MTHFD2L: variants seen among roughly 807,000 people sequenced by gnomAD.
MTHFD2L encodes the protein methylenetetrahydrofolate dehydrogenase (NADP+ dependent) 2 like.
In MTHFD2L, 29 loss-of-function variants were observed where a neutral mutation model predicts 34.9. The observed-to-expected ratio is 0.83, with a 90% CI of 0.62 to 1.13. MTHFD2L has a LOEUF of 1.13. Ranked by LOEUF, MTHFD2L falls within the 50% of genes most tolerant of loss-of-function variation. The pLI is 0.00. For missense variants in MTHFD2L, 481 were observed against 446.5 expected (o/e 1.08, Z -0.70); for synonymous variants, 167 against 155.7 (o/e 1.07, Z -0.54).
At chr4:74,211,114 C>A (rs1360430722) in intron 5 of MTHFD2L, among the ~76,000 whole-genome samples, 1 of 152,160 alleles carries the variant, frequency 6.6e-6, no homozygotes, top group Non-Finnish European at 1.5e-5. Flanking sequence ...AATATACAAT[C>A]ATGTCATCTG....
chr4:74,256,182 A>G (rs1479365171), intron 6 of MTHFD2L, among the ~76,000 whole-genome samples: 3 of 152,092 alleles, frequency 2.0e-5, no homozygotes, highest in African/African-American at 7.2e-5. Flanking sequence ...ATTTTTTCAT[A>G]ATAGCCATTC....
At chr4:74,235,826 C>A (rs2110153493) in intron 6 of MTHFD2L, among the ~76,000 whole-genome samples, 1 of 152,176 alleles carries the variant, frequency 6.6e-6, no homozygotes, top group East Asian at 1.9e-4. Context: ...TTTGTTGTTT[C>A]ATACCTGTTG....
At position 74,206,133 on chromosome 4, in the gene MTHFD2L, G is replaced by GT. The variant is rs1368892844; in HGVS notation, c.712+4764dup. 9.5e-5 allele frequency among the ~76,000 whole-genome samples: 13 copies of GT among 136,808 alleles called. No individual in the cohort carries two copies. The East Asian group carries it at 2.5e-3, about 26-fold the overall frequency. The allele number at this position is 136,808 out of a possible 152,430, so 89.8% of individuals were successfully genotyped here. ...ACAGTAACTTTATTAACCAAAACTA[G>GT]TAAAAAAAAAAAAAAGGGAAGCAGC... On this transcript the variant is annotated intron_variant, in intron 5 of 7. Coordinates refer to ENST00000325278, the MANE Select transcript of MTHFD2L (RefSeq NM_001144978.3).
rs1319299358 is a variant in MTHFD2L at position 74,236,541 on chromosome 4, A to G, written c.805+11147A>G. Among the ~76,000 whole-genome samples the G allele has an allele frequency of 2.6e-5, 4 of 152,200 alleles. No individual in the cohort carries two copies. The South Asian group carries it at 6.2e-4, about 24-fold the overall frequency. Reference sequence around the variant, plus strand: ...CCTTCACACTTGTGGTATCCATTCAACTTCCCTGGGGCTCAGGTCAAGGCA... The same window carrying G: ...CCTTCACACTTGTGGTATCCATTCAGCTTCCCTGGGGCTCAGGTCAAGGCA... On this transcript the variant is annotated intron_variant, in intron 6 of 7. Transcript: ENST00000325278.
At chr4:74,133,165 T>C (rs967121316) in intron 1 of MTHFD2L, among the ~76,000 whole-genome samples, 26 of 152,206 alleles carry the variant, frequency 1.7e-4, no homozygotes, top group African/African-American at 5.3e-4. Context: ...GCCTACATGG[T>C]TTCCATTGTG....
At chr4:74,280,061 C>A (rs1203589506) in intron 6 of MTHFD2L, among the ~76,000 whole-genome samples, 2 of 152,054 alleles carry the variant, frequency 1.3e-5, no homozygotes, top group African/African-American at 2.4e-5. Flanking sequence ...GCTTTTCCTG[C>A]AAGAGATCTA....
intron 6 of MTHFD2L, among the ~76,000 whole-genome samples, chr4:74,234,295 G>C (rs1005171112): frequency 1.3e-4 from 19 of 151,878 alleles, no homozygotes; most frequent in Non-Finnish European, 2.7e-4. Flanking sequence ...TAATTAAAAC[G>C]TTAACACTTA....
chr4:74,171,387 TG>T (rs1291485284), intron 1 of MTHFD2L, among the ~76,000 whole-genome samples: 1 of 152,172 alleles, frequency 6.6e-6, no homozygotes, highest in Non-Finnish European at 1.5e-5. Flanking sequence ...ACTCATATAG[TG>T]TTTGAAGGAA....
chr4:74,131,091 C>G (rs1014855151), intron 1 of MTHFD2L, among the ~76,000 whole-genome samples: 2 of 152,128 alleles, frequency 1.3e-5, no homozygotes, highest in African/African-American at 4.8e-5. Context: ...TGAGAGGACA[C>G]AAACAAATGG....
At chr4:74,164,746 TC>T (rs1209450965) in intron 1 of MTHFD2L, among the ~76,000 whole-genome samples, 1 of 152,218 alleles carries the variant, frequency 6.6e-6, no homozygotes, top group Non-Finnish European at 1.5e-5. Flanking sequence ...GCTCTGATGC[TC>T]AGGACTTCTA....
At chr4:74,274,519 C>A (rs923487619) in intron 6 of MTHFD2L, among the ~76,000 whole-genome samples, 3 of 152,188 alleles carry the variant, frequency 2.0e-5, no homozygotes, top group African/African-American at 7.2e-5. Context: ...TGACTCAAGT[C>A]TTGGATCATT....
intron 6 of MTHFD2L, among the ~76,000 whole-genome samples, chr4:74,245,644 C>T (rs1375246801): frequency 6.6e-6 from 1 of 151,788 alleles, no homozygotes; most frequent in Non-Finnish European, 1.5e-5. Context: ...TACCCCACAA[C>T]AGTCCCCAGA....
At chr4:74,122,526 GGGGACACA>G (rs1302501309), upstream of MTHFD2L, among the ~76,000 whole-genome samples, 1 of 152,178 alleles carries the variant, frequency 6.6e-6, no homozygotes, top group Non-Finnish European at 1.5e-5. Flanking sequence ...GGATTTGGGT[GGGGACACA>G]GAGCCAACCA....
intron 3 of MTHFD2L, among the ~76,000 whole-genome samples, chr4:74,191,634 T>G (rs1318191795): frequency 1.3e-5 from 2 of 152,156 alleles, no homozygotes; most frequent in East Asian, 3.9e-4. Flanking sequence ...CACTGCAACC[T>G]TCGCTTCCCG....
chr4:74,140,758 C>T (rs545524407), intron 1 of MTHFD2L, among the ~76,000 whole-genome samples: 3 of 152,150 alleles, frequency 2.0e-5, no homozygotes, highest in South Asian at 4.1e-4. Flanking sequence ...CACATGGCAG[C>T]AGGAAGAAGA....
chr4:74,295,408 C>T (rs572396500), intron 7 of MTHFD2L, among the ~76,000 whole-genome samples: 17 of 152,188 alleles, frequency 1.1e-4, no homozygotes, highest in Admixed American at 5.2e-4. Context: ...TCTCTGATCC[C>T]CATATCGGAT....
At position 74,281,411 on chromosome 4, in the gene MTHFD2L, C is replaced by T. The variant is rs955476262; in HGVS notation, c.806-14C>T. On this transcript the variant is annotated splice_polypyrimidine_tract_variant and intron_variant, in intron 6 of 7. Coordinates refer to ENST00000325278, the MANE Select transcript of MTHFD2L (RefSeq NM_001144978.3). ...TTGTTATGCTGAAGGACAAACAACT[C>T]TTTTTGTTTTCAGGTATTCCAAAGT... 3 of 1,607,874 alleles carry T rather than the reference C, an allele frequency of 1.9e-6. No homozygotes were observed. Among genetic ancestry groups the T allele is most frequent in the Non-Finnish European group, 2.5e-6 (3 of 1,177,306 alleles).
chr4:74,270,432 G>A (rs1321042127), intron 6 of MTHFD2L, among the ~76,000 whole-genome samples: 4 of 150,648 alleles, frequency 2.7e-5, no homozygotes, highest in Non-Finnish European at 4.4e-5. Flanking sequence ...TTGGTTTTTT[G>A]TTCTTGCAAC....
intron 5 of MTHFD2L, among the ~76,000 whole-genome samples, chr4:74,223,414 G>C (rs909728023): frequency 1.3e-5 from 2 of 151,976 alleles, no homozygotes; most frequent in African/African-American, 4.8e-5. Flanking sequence ...GGAGCTAAAT[G>C]ATGAGGGCAA....
Sources: allele counts gnomAD v4.1 joint callset (sites outside exome capture counted in the v4.1 genomes callset), GRCh38; gene constraint gnomAD v4.1.1; transcripts MANE v1.5; gene names NCBI Gene and HGNC (gene_info 2026-07-23, HGNC 2026-07-21).